STX18: variants seen among roughly 807,000 people sequenced by gnomAD.
STX18 encodes syntaxin 18.
In STX18, 40 loss-of-function variants were observed where a neutral mutation model predicts 50.1. That is an observed-to-expected ratio of 0.80 (90% CI 0.62 to 1.04). STX18 has a LOEUF of 1.04. Ranked by LOEUF, STX18 falls within the 50% of genes least tolerant of loss-of-function variation. The pLI is 0.00. For synonymous variants in STX18, 158 were observed against 151.8 expected, an observed-to-expected ratio of 1.04 and a Z score of -0.30; for missense variants, 410 against 415.8, an observed-to-expected ratio of 0.99 and a Z score of 0.12.
chr4:4,517,890 T>C (rs1258626511), intron 1 of STX18, among the ~76,000 whole-genome samples: 7 of 151,956 alleles, frequency 4.6e-5, no homozygotes, highest in Admixed American at 4.6e-4. Context: ...TTCTCCTGCC[T>C]CAGCCTCCTG....
At chr4:4,517,306 A>T (rs1490157311) in intron 1 of STX18, among the ~76,000 whole-genome samples, 1 of 152,226 alleles carries the variant, frequency 6.6e-6, no homozygotes, top group Non-Finnish European at 1.5e-5. Context: ...AGCTACTGTG[A>T]TACTAAATAG....
At chr4:4,432,565 C>G (rs1398719247) in intron 7 of STX18, among the ~76,000 whole-genome samples, 1 of 151,622 alleles carries the variant, frequency 6.6e-6, no homozygotes. Flanking sequence ...GGCCAGCTCA[C>G]TCAAACTTTA....
At position 4,420,187 on chromosome 4, in the gene STX18, C is replaced by T. The variant is rs1724855053; in HGVS notation, c.913-58G>A. 2.9e-6 allele frequency: 4 copies of T among 1,367,344 alleles called. No homozygotes were observed. Among genetic ancestry groups the T allele is most frequent in the South Asian group, 1.2e-5 (1 of 80,334 alleles). The allele number at this position is 1,367,344 out of a possible 1,614,324, so 84.7% of individuals were successfully genotyped here. On this transcript the variant is annotated intron_variant, in intron 10 of 10. Transcript: ENST00000306200. The surrounding 1 kb of genome is among the most constrained non-coding windows in gnomAD (Gnocchi z 4.3). ...CACACAGGATTTTGGTTTGAGCAGC[C>T]CTGAAATGCCCCCCTCTTCCCACGT... is the stretch of plus-strand genomic sequence containing the variant.
At chr4:4,507,250 T>C (rs1560199911) in intron 1 of STX18, 1 of 675,988 alleles carries the variant, frequency 1.5e-6, no homozygotes, top group East Asian at 3.0e-5. Context: ...CTTTACAGTG[T>C]ACTATAAAGA....
chr4:4,501,416 A>C (rs1400524626), intron 1 of STX18, among the ~76,000 whole-genome samples: 1 of 152,194 alleles, frequency 6.6e-6, no homozygotes, highest in Admixed American at 6.5e-5. Flanking sequence ...GCATTTTAAA[A>C]ACAGTAAACA....
chr4:4,518,655 CCTCT>C (rs1262649833), intron 1 of STX18, among the ~76,000 whole-genome samples: 15 of 152,098 alleles, frequency 9.9e-5, no homozygotes, highest in African/African-American at 3.4e-4. Flanking sequence ...TTAATTCCTT[CCTCT>C]CTCTTTTCCT....
intron 1 of STX18, among the ~76,000 whole-genome samples, chr4:4,515,505 T>G (rs1218787330): frequency 6.6e-6 from 1 of 152,148 alleles, no homozygotes; most frequent in Non-Finnish European, 1.5e-5. Context: ...GATCATAAAC[T>G]GACTTTATTA....
At chr4:4,463,575 A>G (rs938124092) in intron 2 of STX18, among the ~76,000 whole-genome samples, 2 of 152,234 alleles carry the variant, frequency 1.3e-5, no homozygotes, top group Admixed American at 6.5e-5. Context: ...AGGGAAGTTA[A>G]TAAGTGATTT....
At chr4:4,433,003 G>A (rs1469048308) in intron 7 of STX18, among the ~76,000 whole-genome samples, 1 of 152,174 alleles carries the variant, frequency 6.6e-6, no homozygotes, top group African/African-American at 2.4e-5. Context: ...AGTGTGCCAC[G>A]CTGCTCCTGT....
chr4:4,499,092 A>T (rs576200158), intron 1 of STX18, among the ~76,000 whole-genome samples: 1 of 152,348 alleles, frequency 6.6e-6, no homozygotes, highest in East Asian at 1.9e-4. Context: ...ACATAAGACA[A>T]ACATTTCAAA....
chr4:4,442,796 AGTTT>A (rs1387504671), intron 5 of STX18, among the ~76,000 whole-genome samples: 2 of 135,540 alleles, frequency 1.5e-5, no homozygotes, highest in Non-Finnish European at 3.0e-5. Context: ...TAAAATAACA[AGTTT>A]ATTAAAAAAA....
chr4:4,468,697 T>C (rs1422655700), intron 2 of STX18, among the ~76,000 whole-genome samples: 2 of 152,118 alleles, frequency 1.3e-5, no homozygotes, highest in East Asian at 3.9e-4. Flanking sequence ...AAAACCACTT[T>C]GGAAAATTGC....
chr4:4,492,399 C>T (rs1277043391), intron 1 of STX18, among the ~76,000 whole-genome samples: 3 of 151,980 alleles, frequency 2.0e-5, no homozygotes, highest in Non-Finnish European at 2.9e-5. Context: ...GGAAAGGATT[C>T]GCTCAGGGAC....
intron 5 of STX18, among the ~76,000 whole-genome samples, chr4:4,448,977 T>C (rs1042403547): frequency 6.6e-6 from 1 of 150,680 alleles, no homozygotes; most frequent in Non-Finnish European, 1.5e-5. Flanking sequence ...AAAAAAGCAG[T>C]AGACCAAAAA....
intron 1 of STX18, among the ~76,000 whole-genome samples, chr4:4,504,609 T>G (rs12500416): frequency 0.028 from 4,233 of 152,234 alleles, 112 homozygotes; most frequent in Admixed American, 0.069. Context: ...TAAAGTACTC[T>G]CAAAGTCAAA....
At chr4:4,489,793 T>C (rs1728865072) in intron 1 of STX18, among the ~76,000 whole-genome samples, 1 of 152,136 alleles carries the variant, frequency 6.6e-6, no homozygotes, top group African/African-American at 2.4e-5. Context: ...TGAAAACTAC[T>C]AGAAAAATAA....
Position 4,442,615 on chromosome 4 carries a change from T to TCAAAA in STX18, c.498-4111_498-4107dup, listed in dbSNP as rs535585872. 3.8e-3 allele frequency among the ~76,000 whole-genome samples: 574 copies of TCAAAA among 151,950 alleles called. 5 individuals carry two copies. Among genetic ancestry groups the TCAAAA allele is most frequent in the African/African-American group, 0.013 (538 of 41,434 alleles). On this transcript the variant is annotated intron_variant, in intron 5 of 10. Transcript: ENST00000306200. ...CTGGGCGAAAGAACGAGAGTCCGTA[T>TCAAAA]CAAAACAAAACAAAACAAACGAAAC...
intron 1 of STX18, among the ~76,000 whole-genome samples, chr4:4,474,683 GAGAA>G (rs1204352300): frequency 2.0e-5 from 3 of 152,192 alleles, no homozygotes; most frequent in Admixed American, 1.3e-4. Context: ...AATGCAATGT[GAGAA>G]AGACTCATTC....
At chr4:4,491,889 A>G (rs932951993) in intron 1 of STX18, among the ~76,000 whole-genome samples, 5 of 152,156 alleles carry the variant, frequency 3.3e-5, no homozygotes, top group Admixed American at 6.5e-5. Flanking sequence ...TTAAAAAACT[A>G]AAAGTATCCT....
Sources: allele counts gnomAD v4.1 joint callset (sites outside exome capture counted in the v4.1 genomes callset), GRCh38; gene constraint gnomAD v4.1.1; non-coding constraint Gnocchi (gnomAD v3.1); transcripts MANE v1.5; gene names NCBI Gene and HGNC (gene_info 2026-07-23, HGNC 2026-07-21).